The following BCL2L13 variants were observed in gnomAD, a reference collection of about 807,000 sequenced individuals.
BCL2L13 encodes the protein BCL2 like 13.
In BCL2L13, 13 loss-of-function variants were observed where a neutral mutation model predicts 25.8. The ratio of observed to expected loss-of-function variants is 0.50; its 90% confidence interval spans 0.33 to 0.80. The LOEUF (loss-of-function observed/expected upper bound fraction) is 0.80, where lower values mean the gene tolerates loss of function less well. Among genes scored for constraint, BCL2L13 ranks in the 30% least tolerant of loss-of-function variants. The probability of loss-of-function intolerance (pLI) is 0.02; values close to 1 mark genes in which losing one functional copy is unlikely to be tolerated. For missense variants in BCL2L13, 504 were observed against 574.9 expected, an observed-to-expected ratio of 0.88 and a Z score of 1.26; for synonymous variants, 244 against 230.3, an observed-to-expected ratio of 1.06 and a Z score of -0.54.
In BCL2L13 at chr22:17,704,742, A is replaced by C. The variant is rs188057161; in HGVS notation, c.600+2356A>C. 5.0e-3 allele frequency among the ~76,000 whole-genome samples: 767 copies of C among 152,276 alleles called. 4 individuals carry two copies. The highest frequency in any genetic ancestry group is 0.016 in the African/African-American group (666 of 41,562). On this transcript the variant is annotated intron_variant, in intron 6 of 6. Transcript: ENST00000317582. The stretch of plus-strand genomic sequence containing the variant: ...GAGCAGCTCTGGGGGAATAAGGGCA[A>C]ATATGCTTGTTATGAACTGCACTGA...
At chr22:17,629,947 G>A (rs1240651398) in intron 1 of BCL2L13, among the ~76,000 whole-genome samples, 1 of 151,910 alleles carries the variant, frequency 6.6e-6, no homozygotes, top group Non-Finnish European at 1.5e-5. Flanking sequence ...GGCCAGGCGC[G>A]GTGTCTCACG....
In BCL2L13 at chr22:17,659,578, G is replaced by A. The variant is rs1057052754; in HGVS notation, c.121+3746G>A. The stretch of plus-strand genomic sequence containing the variant: ...TAGGAGGCTGAGGCAGGGGAATGGC[G>A]TGAACTCAGGAGGTGGAGCTTGCAG... On this transcript the variant is annotated intron_variant, in intron 2 of 6. Coordinates refer to ENST00000317582, the MANE Select transcript of BCL2L13 (RefSeq NM_015367.4). Among the ~76,000 whole-genome samples, 10 of 144,662 alleles carry A rather than the reference G, an allele frequency of 6.9e-5. 1 individual carries two copies. Among genetic ancestry groups the A allele is most frequent in the African/African-American group, 2.0e-4 (8 of 40,960 alleles). The allele number at this position is 144,662 out of a possible 152,430, so 94.9% of individuals were successfully genotyped here. A position where few individuals can be genotyped will look rare whatever the true frequency, so the allele number is the denominator to read the frequency against.
At position 17,641,058 on chromosome 22, in the gene BCL2L13, T is replaced by C. The variant is rs894966615; in HGVS notation, c.-51+2172T>C. On this transcript the variant is annotated intron_variant, in intron 1 of 6. Transcript: ENST00000317582. ...GGTGCCCGCCACCGCGACAGGCTAA[T>C]TTTTTGTATTTTTAGTAGAGACGGG... is the stretch of plus-strand genomic sequence containing the variant. 2.0e-4 allele frequency among the ~76,000 whole-genome samples: 30 copies of C among 151,942 alleles called. 1 individual carries two copies. Among genetic ancestry groups the C allele is most frequent in the African/African-American group, 5.5e-4 (23 of 41,464 alleles).
intron 1 of BCL2L13, among the ~76,000 whole-genome samples, chr22:17,655,211 C>G (rs564336698): frequency 1.3e-5 from 2 of 152,090 alleles, no homozygotes; most frequent in South Asian, 4.2e-4. Flanking sequence ...TCTTCAGAGG[C>G]AGTAACACCC....
At position 17,729,347 on chromosome 22, in the gene BCL2L13, T is replaced by A. The variant is rs1024005796; in HGVS notation, c.*1813T>A. On this transcript the variant is annotated 3_prime_UTR_variant, in exon 7 of 7. Coordinates refer to ENST00000317582, the MANE Select transcript of BCL2L13 (RefSeq NM_015367.4). ...AGGGTTTTTGTGTACTTGGATTAAG[T>A]AATTAGAGGTGAGTGGGGGGAATGG... The A allele has an allele frequency of 4.6e-5, 7 of 152,154 alleles. No homozygotes were observed. The highest frequency in any genetic ancestry group is 1.0e-4 in the Non-Finnish European group (7 of 68,034). 9.4% of individuals were successfully genotyped at this position (152,154 alleles called of 1,614,324 possible).
upstream of BCL2L13, among the ~76,000 whole-genome samples, chr22:17,636,682 G>A (rs1601439162): frequency 6.6e-6 from 1 of 152,130 alleles, no homozygotes; most frequent in East Asian, 1.9e-4. Flanking sequence ...TGTAATCCCA[G>A]CTACTCAGGA....
At chr22:17,677,375 T>A (rs1318059431) in intron 2 of BCL2L13, among the ~76,000 whole-genome samples, 1 of 152,224 alleles carries the variant, frequency 6.6e-6, no homozygotes, top group African/African-American at 2.4e-5. Context: ...TTTCTTGACC[T>A]TAATAGAATT....
chr22:17,713,524 C>T (rs1444434231), intron 6 of BCL2L13, among the ~76,000 whole-genome samples: 3 of 144,482 alleles, frequency 2.1e-5, no homozygotes, highest in African/African-American at 2.6e-5. Context: ...TGCTGTGGTA[C>T]GATCTCAGCT....
At chr22:17,691,256 A>G (rs2060094922) in intron 4 of BCL2L13, among the ~76,000 whole-genome samples, 1 of 152,222 alleles carries the variant, frequency 6.6e-6, no homozygotes, top group Admixed American at 6.5e-5. Flanking sequence ...ACTTGAAGAA[A>G]GAAATTTGCT....
intron 6 of BCL2L13, among the ~76,000 whole-genome samples, chr22:17,715,125 T>TATATATATATATAC (rs2060879417): frequency 3.2e-4 from 1 of 3,106 alleles, no homozygotes; most frequent in Non-Finnish European, 6.0e-4. Context: ...GTTAATTTTA[T>TATATATATATATAC]ATATATATAT....
intron 4 of BCL2L13, chr22:17,692,411 A>T (rs186124889): frequency 1.3e-5 from 2 of 152,248 alleles, no homozygotes; most frequent in East Asian, 3.9e-4. Flanking sequence ...GACTACTGTG[A>T]CCCCCAGCAG....
chr22:17,706,777 C>G, intron 6 of BCL2L13: 1 of 1,352,032 alleles, frequency 7.4e-7, no homozygotes, highest in Non-Finnish European at 9.8e-7. Context: ...TGTGTTGCTA[C>G]GTTAGAAGTC....
rs558423407 is a variant in BCL2L13, at chr22:17,728,752, A to C, written c.*1218A>C. ...AATTTTAAGACTGAGGCTGCTCTGC[A>C]GATTCTAGTTTGGCTTTCAGAGTTC... On this transcript the variant is annotated 3_prime_UTR_variant, in exon 7 of 7. Transcript: ENST00000317582. 8 of 152,386 alleles carry C rather than the reference A, an allele frequency of 5.2e-5. No individual in the cohort carries two copies. The South Asian group carries it at 1.2e-3, about 24-fold the overall frequency. The allele number at this position is 152,386 out of a possible 1,614,324, so 9.4% of individuals were successfully genotyped here.
intron 2 of BCL2L13, among the ~76,000 whole-genome samples, chr22:17,672,764 C>T (rs2059454049): frequency 6.6e-6 from 1 of 152,166 alleles, no homozygotes; most frequent in Non-Finnish European, 1.5e-5. Context: ...AGAATAAGCT[C>T]TCCTTTAATC....
chr22:17,658,912 A>C (rs1356710346), intron 2 of BCL2L13, among the ~76,000 whole-genome samples: 1 of 149,122 alleles, frequency 6.7e-6, no homozygotes, highest in Non-Finnish European at 1.5e-5. Flanking sequence ...CAAAAAAATT[A>C]GTTGGGCATG....
At position 17,657,658 on chromosome 22, in the gene BCL2L13, C is replaced by T. The variant is rs1449750182; in HGVS notation, c.121+1826C>T. Among the ~76,000 whole-genome samples, 5 of 151,706 alleles carry T rather than the reference C, an allele frequency of 3.3e-5. No homozygotes were observed. In the East Asian group the frequency reaches 7.7e-4, roughly 23 times the overall value. On this transcript the variant is annotated intron_variant, in intron 2 of 6. Coordinates refer to ENST00000317582, the MANE Select transcript of BCL2L13 (RefSeq NM_015367.4). ...TTCCGAGTAGCTGGGACTAGAGGCACGTGCCACCATGCCTGGCTAACTTTT... is the reference window on the plus strand; with the variant it reads ...TTCCGAGTAGCTGGGACTAGAGGCATGTGCCACCATGCCTGGCTAACTTTT...
chr22:17,685,772 T>C (rs1283723319), intron 3 of BCL2L13, among the ~76,000 whole-genome samples: 3 of 106,030 alleles, frequency 2.8e-5, no homozygotes, highest in African/African-American at 7.7e-5. Context: ...TTTTTTTTTT[T>C]TTTTTTTTTT....
intron 5 of BCL2L13, among the ~76,000 whole-genome samples, chr22:17,697,195 T>C (rs961780849): frequency 6.6e-6 from 1 of 152,086 alleles, no homozygotes; most frequent in South Asian, 2.1e-4. Flanking sequence ...TCCCATCACT[T>C]TGGGAGGCCG....
At chr22:17,639,231 C>T (rs1007005219) in intron 1 of BCL2L13, among the ~76,000 whole-genome samples, 4 of 150,316 alleles carry the variant, frequency 2.7e-5, no homozygotes, top group Non-Finnish European at 6.0e-5. Flanking sequence ...TAGGGCTAAA[C>T]TGGGGAACGG....
Sources: allele counts gnomAD v4.1 joint callset (sites outside exome capture counted in the v4.1 genomes callset), GRCh38; gene constraint gnomAD v4.1.1; transcripts MANE v1.5; gene names NCBI Gene and HGNC (gene_info 2026-07-23, HGNC 2026-07-21).